SMYD3: variants seen among roughly 807,000 people sequenced by gnomAD.
SMYD3 encodes SET and MYND domain containing 3, also known as histone-lysine N-methyltransferase SMYD3.
SMYD3 carries 36 observed loss-of-function variants against 57.7 expected under a neutral mutation model. The observed-to-expected ratio is 0.62, with a 90% CI of 0.48 to 0.82. The LOEUF (loss-of-function observed/expected upper bound fraction) is 0.82. Among genes scored for constraint, SMYD3 ranks in the 40% least tolerant of loss-of-function variants. SMYD3 has a pLI of 0.00. For missense variants in SMYD3, 515 were observed against 538.8 expected, an observed-to-expected ratio of 0.96 and a Z score of 0.44; for synonymous variants, 211 against 195.0, an observed-to-expected ratio of 1.08 and a Z score of -0.68.
At chr1:245,970,275 T>C (rs2058264547) in intron 5 of SMYD3, among the ~76,000 whole-genome samples, 1 of 152,208 alleles carries the variant, frequency 6.6e-6, no homozygotes, top group African/African-American at 2.4e-5. Flanking sequence ...AAGGGGAAAC[T>C]GGATCCCTTC....
intron 8 of SMYD3, among the ~76,000 whole-genome samples, chr1:245,903,414 G>A (rs528202131): frequency 6.6e-6 from 1 of 152,164 alleles, no homozygotes; most frequent in South Asian, 2.1e-4. Flanking sequence ...GAGAAAACAG[G>A]CAGAGCAAGA....
chr1:245,922,609 A>ATTT (rs33954209), intron 7 of SMYD3, among the ~76,000 whole-genome samples: 108 of 150,528 alleles, frequency 7.2e-4, no homozygotes, highest in Non-Finnish European at 1.0e-3. Flanking sequence ...CTAATGTCAT[A>ATTT]TTTTTTTTTT....
chr1:246,293,905 G>A (rs2064744217), intron 5 of SMYD3, among the ~76,000 whole-genome samples: 1 of 152,030 alleles, frequency 6.6e-6, no homozygotes, highest in South Asian at 2.1e-4. Context: ...CCCTATTATT[G>A]AACTCAATGA....
chr1:246,125,071 CAAAA>C (rs35080862), intron 5 of SMYD3, among the ~76,000 whole-genome samples: 7 of 121,698 alleles, frequency 5.8e-5, no homozygotes, highest in South Asian at 2.8e-4. Context: ...GACTCCGTCT[CAAAA>C]AAAAAAAAAA....
intron 5 of SMYD3, among the ~76,000 whole-genome samples, chr1:245,945,867 AC>A (rs764066245): frequency 6.6e-6 from 1 of 152,208 alleles, no homozygotes; most frequent in Non-Finnish European, 1.5e-5. Flanking sequence ...AGGAACAGAA[AC>A]CCAAACACCA....
chr1:245,859,594 C>A (rs1352569154), intron 9 of SMYD3, among the ~76,000 whole-genome samples: 4 of 152,184 alleles, frequency 2.6e-5, no homozygotes, highest in Non-Finnish European at 5.9e-5. Context: ...ACAGCGAAGG[C>A]CAGAGTGCAG....
At chr1:246,026,806 G>A (rs1183993358) in intron 5 of SMYD3, among the ~76,000 whole-genome samples, 5 of 152,178 alleles carry the variant, frequency 3.3e-5, no homozygotes, top group African/African-American at 9.7e-5. Context: ...AAGTGTTCAC[G>A]TGAAAGGAGG....
chr1:246,177,496 A>G (rs1355347353), intron 5 of SMYD3, among the ~76,000 whole-genome samples: 1 of 152,214 alleles, frequency 6.6e-6, no homozygotes, highest in African/African-American at 2.4e-5. Flanking sequence ...CAAACATAAA[A>G]TCAAGAGACC....
At chr1:246,418,701 C>T (rs1347159348) in intron 1 of SMYD3, among the ~76,000 whole-genome samples, 2 of 152,064 alleles carry the variant, frequency 1.3e-5, no homozygotes, top group Non-Finnish European at 2.9e-5. Context: ...CTCCCGGAGT[C>T]GGGCGCTCGG....
chr1:246,041,772 C>CA (rs1254176817), intron 5 of SMYD3, among the ~76,000 whole-genome samples: 1 of 151,336 alleles, frequency 6.6e-6, no homozygotes, highest in Admixed American at 6.6e-5. Flanking sequence ...TGGACGGACT[C>CA]AGAGTTATAC....
At chr1:245,816,990 A>C (rs533780751) in intron 10 of SMYD3, among the ~76,000 whole-genome samples, 2 of 151,722 alleles carry the variant, frequency 1.3e-5, no homozygotes, top group East Asian at 1.9e-4. Flanking sequence ...GCCATTGCCC[A>C]GGCTTGCTTA....
At chr1:246,460,224 T>C (rs2067776374) in intron 1 of SMYD3, among the ~76,000 whole-genome samples, 4 of 152,220 alleles carry the variant, frequency 2.6e-5, no homozygotes, top group South Asian at 2.1e-4. Flanking sequence ...AAAACATCTA[T>C]TCCTTTTACA....
chr1:246,121,437 A>C (rs1389876594), intron 5 of SMYD3, among the ~76,000 whole-genome samples: 1 of 41,298 alleles, frequency 2.4e-5, no homozygotes, highest in African/African-American at 4.9e-5. Context: ...TTTTGCAAAA[A>C]AAAAAAAAAA....
At chr1:245,773,992 T>G (rs898625523) in intron 10 of SMYD3, among the ~76,000 whole-genome samples, 3 of 152,236 alleles carry the variant, frequency 2.0e-5, no homozygotes, top group Non-Finnish European at 4.4e-5. Context: ...TTGGTTTATA[T>G]TCTACTCCTA....
chr1:245,968,477 T>G (rs1368722004), intron 5 of SMYD3, among the ~76,000 whole-genome samples: 1 of 152,128 alleles, frequency 6.6e-6, no homozygotes, highest in Non-Finnish European at 1.5e-5. Flanking sequence ...GAACTTTCCA[T>G]TTCAACAAAA....
intron 5 of SMYD3, among the ~76,000 whole-genome samples, chr1:246,094,843 C>T (rs1573013211): frequency 6.6e-6 from 1 of 152,278 alleles, no homozygotes; most frequent in South Asian, 2.1e-4. Context: ...CATATCTAAC[C>T]TGCATCTAAA....
intron 5 of SMYD3, among the ~76,000 whole-genome samples, chr1:246,011,769 G>T (rs574678341): frequency 4.4e-4 from 67 of 152,278 alleles, no homozygotes; most frequent in African/African-American, 1.5e-3. Flanking sequence ...ACTGAAATCT[G>T]CATGATCACA....
rs146704917 is a variant in SMYD3 at position 246,089,945 on chromosome 1, G to A, written c.532-160008C>T. Among the ~76,000 whole-genome samples the A allele has an allele frequency of 4.9e-4, 75 of 151,758 alleles. 2 individuals are homozygous for A. The highest frequency in any genetic ancestry group is 1.0e-4 in the Non-Finnish European group (7 of 67,944). ...CAAGGGAGATTTGGGGGAAATGTGG[G>A]TATGGAGAAATTTTCTTTCCATTTT... On this transcript the variant is annotated intron_variant, in intron 5 of 11. Transcript: ENST00000490107.
intron 2 of SMYD3, among the ~76,000 whole-genome samples, chr1:246,352,459 C>T (rs868826705): frequency 2.0e-5 from 3 of 152,194 alleles, no homozygotes; most frequent in African/African-American, 7.2e-5. Context: ...TTGTGGGTAT[C>T]CACAATAATT....
Sources: gnomAD v4.1 joint callset for allele counts (sites outside exome capture counted in the v4.1 genomes callset) on GRCh38, gnomAD v4.1.1 for gene constraint, MANE v1.5 for transcripts, NCBI Gene and HGNC (gene_info 2026-07-23, HGNC 2026-07-21) for gene names.